The following SHPRH variants were observed in gnomAD, a reference collection of about 807,000 sequenced individuals.
SHPRH encodes the protein SNF2 histone linker PHD RING helicase.
In SHPRH, 106 loss-of-function variants were observed where a neutral mutation model predicts 202.5. That is an observed-to-expected ratio of 0.52 (90% CI 0.45 to 0.62). SHPRH has a LOEUF of 0.62. Among genes scored for constraint, SHPRH ranks in the 20% least tolerant of loss-of-function variants. The pLI, the probability that SHPRH is intolerant of heterozygous loss-of-function variation, is 0.00. For synonymous variants in SHPRH, 729 were observed against 686.0 expected (o/e 1.06, Z -0.98); for missense variants, 1,710 against 2,020.0 (o/e 0.85, Z 2.94).
At chr6:145,894,332 G>A (rs1781819785) in intron 26 of SHPRH, 96 bp from the exon 27 acceptor site, 2 of 880,902 alleles carry the variant, frequency 2.3e-6, no homozygotes, top group African/African-American at 1.8e-5. Context: ...CTTTTATACT[G>A]GAGTTAAGAA....
intron 24 of SHPRH, among the ~76,000 whole-genome samples, chr6:145,912,584 T>A (rs1161053654): frequency 6.6e-6 from 1 of 152,162 alleles, no homozygotes; most frequent in Non-Finnish European, 1.5e-5. Flanking sequence ...AACCAGCATT[T>A]GTACAGTACT....
At chr6:145,867,631 T>TATATATAGAGAGAG (rs1554220329) in intron 2 of SHPRH, among the ~76,000 whole-genome samples, 11 of 22,318 alleles carry the variant, frequency 4.9e-4, no homozygotes, top group Non-Finnish European at 6.8e-4. Context: ...TATATATATA[T>TATATATAGAGAGAG]AGAGAGAGAG....
At chr6:145,889,219 T>C (rs1480071166) in intron 28 of SHPRH, among the ~76,000 whole-genome samples, 2 of 152,018 alleles carry the variant, frequency 1.3e-5, no homozygotes, top group Non-Finnish European at 2.9e-5. Flanking sequence ...GAAAAATTCA[T>C]CGAAGGGGTG....
At chr6:145,862,331 G>A (rs1302867392), downstream of SHPRH, among the ~76,000 whole-genome samples, 1 of 152,024 alleles carries the variant, frequency 6.6e-6, no homozygotes, top group African/African-American at 2.4e-5. Context: ...GCGGGTGCCT[G>A]TAGTCCCAGC....
At chr6:145,894,816 C>T in intron 26 of SHPRH, 69 bp downstream of exon 26, 1 of 1,370,844 alleles carries the variant, frequency 7.3e-7, no homozygotes, top group South Asian at 1.4e-5. Flanking sequence ...AATTAGTTCT[C>T]AGCTGTAAAC....
At chr6:145,957,845 C>A (rs1375953765) in intron 1 of SHPRH, among the ~76,000 whole-genome samples, 1 of 152,084 alleles carries the variant, frequency 6.6e-6, no homozygotes, top group African/African-American at 2.4e-5. Flanking sequence ...CAAGAGAAAT[C>A]AAAACATAAA....
At position 145,943,516 on chromosome 6, in the gene SHPRH, T is replaced by C. The variant is rs1787022846; in HGVS notation, c.1865A>G (p.Glu622Gly). 4 of 1,614,034 alleles carry C rather than the reference T, an allele frequency of 2.5e-6. No individual in the cohort carries two copies. The highest frequency in any genetic ancestry group is 3.4e-6 in the Non-Finnish European group (4 of 1,179,958). Residue 622 changes from glutamate to glycine, a missense_variant, in exon 9 of 30, where the codon GAA becomes GGA. Coordinates refer to ENST00000275233, the MANE Select transcript of SHPRH (RefSeq NM_001042683.3). Reference sequence around the variant, plus strand: ...CTCTGTTTCATGTTCTTGGTTGAATTCAGAGATACATGTACTTTTAGACAT... The same window carrying C: ...CTCTGTTTCATGTTCTTGGTTGAATCCAGAGATACATGTACTTTTAGACAT... ...VAMSKSTCISEFNQEHETEDC... is the reference protein window; with the variant it reads ...VAMSKSTCISGFNQEHETEDC...
intron 2 of SHPRH, among the ~76,000 whole-genome samples, chr6:145,876,004 C>T (rs1324294370): frequency 2.0e-5 from 3 of 152,104 alleles, no homozygotes; most frequent in East Asian, 3.8e-4. Flanking sequence ...AAAATATCTT[C>T]GAGATACAAT....
chr6:145,962,087 G>C (rs1186866318), intron 1 of SHPRH, among the ~76,000 whole-genome samples: 2 of 151,930 alleles, frequency 1.3e-5, no homozygotes, highest in Non-Finnish European at 2.9e-5. Context: ...TTTCTATATG[G>C]ACCGCACTTT....
intron 24 of SHPRH, 89 bp from the exon 25 acceptor site, chr6:145,910,725 C>T: frequency 1.6e-6 from 2 of 1,247,078 alleles, no homozygotes; most frequent in Non-Finnish European, 2.1e-6. Context: ...ATTTTTCCTC[C>T]TAAAGATTTC....
chr6:145,945,238 T>A, intron 8 of SHPRH, 143 bp downstream of exon 8: 1 of 963,016 alleles, frequency 1.0e-6, no homozygotes, highest in Non-Finnish European at 1.5e-6. Flanking sequence ...AAGTAGAAAG[T>A]AGAAGTTACA....
At chr6:145,949,389 T>C (rs1290415141) in intron 4 of SHPRH, among the ~76,000 whole-genome samples, 4 of 152,188 alleles carry the variant, frequency 2.6e-5, no homozygotes, top group Non-Finnish European at 5.9e-5. Context: ...ATGGAAACCA[T>C]GGAATACTAT....
At chr6:145,874,480 A>G (rs1175245570) in intron 2 of SHPRH, among the ~76,000 whole-genome samples, 1 of 151,872 alleles carries the variant, frequency 6.6e-6, no homozygotes, top group Non-Finnish European at 1.5e-5. Context: ...TTTTATTCTG[A>G]GCTTTATTAA....
At position 145,954,682 on chromosome 6, in the gene SHPRH, C is replaced by T; in HGVS notation, c.633+8G>A. 2 of 1,555,800 alleles carry T rather than the reference C, an allele frequency of 1.3e-6. No homozygotes were observed. The highest frequency in any genetic ancestry group is 1.7e-6 in the Non-Finnish European group (2 of 1,157,962). On this transcript the variant is annotated splice_region_variant and intron_variant, in intron 2 of 29. Coordinates refer to ENST00000275233, the MANE Select transcript of SHPRH (RefSeq NM_001042683.3). ...GCCTCAAAAAAGACACCACAAAAAA[C>T]TGAGTACCTTGATAATGTGATTTCC...
intron 1 of SHPRH, among the ~76,000 whole-genome samples, chr6:145,957,296 A>G (rs1393554072): frequency 2.6e-5 from 4 of 152,162 alleles, no homozygotes; most frequent in Admixed American, 2.0e-4. Context: ...TAGCCCAAAA[A>G]AAAGGCACAA....
At chr6:145,872,228 C>A (rs1049102818) in intron 2 of SHPRH, among the ~76,000 whole-genome samples, 1 of 151,970 alleles carries the variant, frequency 6.6e-6, no homozygotes, top group African/African-American at 2.4e-5. Context: ...TTCTGCACAG[C>A]AAAAGGAACT....
rs1270661474 is a variant in SHPRH at position 145,921,232 on chromosome 6, C to T, written c.3943G>A (p.Val1315Ile). ...GTGCTTCCTTCATCAACAAATTCAACATCAAACCTATGTGATTTTGCAAAT... is the reference window on the plus strand; with the variant it reads ...GTGCTTCCTTCATCAACAAATTCAATATCAAACCTATGTGATTTTGCAAAT... ...LSFAKSHRFD[V>I]EFVDEGSTSM... Residue 1315 changes from valine to isoleucine, a missense_variant, in exon 21 of 30, where the codon GTT (valine) becomes ATT (isoleucine). By Grantham distance (29) the Val-to-Ile change is conservative (BLOSUM62 3). Transcript: ENST00000275233. The T allele has an allele frequency of 6.2e-7, 1 of 1,612,798 alleles. No homozygotes were observed. The highest frequency in any genetic ancestry group is 8.5e-7 in the Non-Finnish European group (1 of 1,179,254).
chr6:145,899,825 G>C (rs1017544069), intron 25 of SHPRH, among the ~76,000 whole-genome samples: 3 of 151,836 alleles, frequency 2.0e-5, no homozygotes, highest in African/African-American at 7.3e-5. Flanking sequence ...AACAACCTGA[G>C]TAAAAAATGG....
chr6:145,961,926 C>T (rs1039381562), intron 1 of SHPRH, among the ~76,000 whole-genome samples: 1 of 152,192 alleles, frequency 6.6e-6, no homozygotes, highest in African/African-American at 2.4e-5. Flanking sequence ...GACTAAAATG[C>T]AATTTGGCAA....
Sources: allele counts gnomAD v4.1 joint callset (sites outside exome capture counted in the v4.1 genomes callset), GRCh38; gene constraint gnomAD v4.1.1; transcripts MANE v1.5; gene names NCBI Gene and HGNC (gene_info 2026-07-23, HGNC 2026-07-21).